The following KCNJ16 variants were observed in gnomAD, a reference collection of about 807,000 sequenced individuals.
The protein encoded by KCNJ16 is inward rectifier potassium channel 16.
In KCNJ16, 15 loss-of-function variants were observed where a neutral mutation model predicts 18.5. The observed-to-expected ratio is 0.81, with a 90% confidence interval of 0.54 to 1.25. The LOEUF (loss-of-function observed/expected upper bound fraction) is 1.25. Ranked by LOEUF, KCNJ16 falls within the 50% of genes most tolerant of loss-of-function variation. The pLI is 0.00. For synonymous variants in KCNJ16, 174 were observed against 186.5 expected (o/e 0.93, Z 0.55); for missense variants, 523 against 525.7 (o/e 0.99, Z 0.05).
rs778173694 is a variant in KCNJ16, at chr17:70,131,974, T to TTTG, written c.-93-9_-93-7dup. 3.3e-6 allele frequency: 5 copies of TTTG among 1,536,908 alleles called. No homozygotes were observed. The South Asian group carries it at 6.0e-5, about 18-fold the overall frequency. On this transcript the variant is annotated intron_variant, in intron 3 of 3. Transcript: ENST00000392671. ...GACATTGAAAGCTAAAAAGTGTGTT[T>TTTG]TTGTTGTTGTTGTTTTTTAGGTTCT...
chr17:70,083,946 C>T (rs767716738), intron 1 of KCNJ16, among the ~76,000 whole-genome samples: 5 of 152,034 alleles, frequency 3.3e-5, no homozygotes, highest in Admixed American at 1.3e-4. Context: ...TGTCCCATGG[C>T]TTTCGAGCCT....
chr17:70,129,441 C>T (rs1327176841), intron 2 of KCNJ16, among the ~76,000 whole-genome samples: 1 of 152,076 alleles, frequency 6.6e-6, no homozygotes, highest in African/African-American at 2.4e-5. Flanking sequence ...ACAAAAAGGC[C>T]TCCATAAACT....
intron 2 of KCNJ16, among the ~76,000 whole-genome samples, chr17:70,109,679 G>T (rs73382046): frequency 0.091 from 13,786 of 152,054 alleles, 719 homozygotes; most frequent in African/African-American, 0.14. Context: ...AGCTGGATGC[G>T]TCCCAAGAAC....
chr17:70,086,976 G>C (rs376291609), intron 1 of KCNJ16, among the ~76,000 whole-genome samples: 13 of 152,044 alleles, frequency 8.6e-5, no homozygotes, highest in African/African-American at 2.9e-4. Context: ...TCAGCTCACT[G>C]CAAGCTCCAC....
chr17:70,110,401 A>G (rs767886009), intron 2 of KCNJ16, among the ~76,000 whole-genome samples: 9 of 152,092 alleles, frequency 5.9e-5, no homozygotes, highest in Non-Finnish European at 1.2e-4. Flanking sequence ...TTCACAGACA[A>G]CCTAGAGCCT....
chr17:70,128,941 T>C (rs895021414), intron 2 of KCNJ16: 1 of 152,278 alleles, frequency 6.6e-6, no homozygotes, highest in Non-Finnish European at 1.5e-5. Context: ...CTCAGTCTGA[T>C]GTAACTGCTA....
chr17:70,122,854 C>T (rs2073700322), intron 2 of KCNJ16, among the ~76,000 whole-genome samples: 1 of 152,114 alleles, frequency 6.6e-6, no homozygotes, highest in African/African-American at 2.4e-5. Flanking sequence ...TCTGATTGGC[C>T]ACTCCTAGAT....
chr17:70,092,691 T>C (rs2072179890), intron 1 of KCNJ16, among the ~76,000 whole-genome samples: 1 of 152,112 alleles, frequency 6.6e-6, no homozygotes, highest in Admixed American at 6.6e-5. Context: ...GCTGGAGAAC[T>C]AGAAAAACTG....
chr17:70,086,064 A>C (rs912364440), intron 1 of KCNJ16, among the ~76,000 whole-genome samples: 1 of 152,224 alleles, frequency 6.6e-6, no homozygotes, highest in African/African-American at 2.4e-5. Flanking sequence ...CAATAAAATT[A>C]GAGCCCAATA....
At chr17:70,112,464 A>T (rs947010723) in intron 2 of KCNJ16, among the ~76,000 whole-genome samples, 4 of 151,922 alleles carry the variant, frequency 2.6e-5, no homozygotes, top group Non-Finnish European at 2.9e-5. Context: ...TCTCAGCTAA[A>T]ATGCCAGTAT....
chr17:70,106,813 G>A (rs1451608674), intron 2 of KCNJ16, among the ~76,000 whole-genome samples: 2 of 152,164 alleles, frequency 1.3e-5, no homozygotes, highest in Middle Eastern at 3.2e-3. Flanking sequence ...GCTGGCATGA[G>A]GAGTCATGGG....
chr17:70,088,772 T>C (rs1391156049), intron 1 of KCNJ16, among the ~76,000 whole-genome samples: 3 of 151,390 alleles, frequency 2.0e-5, no homozygotes, highest in Admixed American at 2.0e-4. Flanking sequence ...AGGAAAAAAA[T>C]TAAGGAGGTG....
At position 70,132,289 on chromosome 17, in the gene KCNJ16, A is replaced by G; in HGVS notation, c.202A>G (p.Thr68Ala). ...VVDIFTTLVD[T>A]KWRHMFVIFS... ...TGACATCTTCACCACTCTTGTGGAC[A>G]CCAAGTGGCGCCATATGTTTGTGAT... Residue 68 changes from threonine to alanine, a missense_variant, in exon 4 of 4, where the codon ACC becomes GCC. Coordinates refer to ENST00000392671, the MANE Select transcript of KCNJ16 (RefSeq NM_170741.4). 2 of 1,614,186 alleles carry G rather than the reference A, an allele frequency of 1.2e-6. No individual in the cohort carries two copies. Among genetic ancestry groups the G allele is most frequent in the Non-Finnish European group, 8.5e-7 (1 of 1,180,016 alleles).
intron 1 of KCNJ16, among the ~76,000 whole-genome samples, chr17:70,097,250 G>T (rs1331125217): frequency 6.6e-6 from 1 of 152,070 alleles, no homozygotes; most frequent in East Asian, 1.9e-4. Flanking sequence ...ATGCGCCCCC[G>T]TCTCCCCACT....
intron 2 of KCNJ16, among the ~76,000 whole-genome samples, chr17:70,103,883 C>T (rs2072786786): frequency 6.6e-6 from 1 of 151,928 alleles, no homozygotes. Context: ...GAGTAAACAG[C>T]ACAAGTATTT....
chr17:70,087,726 A>ATAAG (rs1396473456), intron 1 of KCNJ16, among the ~76,000 whole-genome samples: 1 of 152,070 alleles, frequency 6.6e-6, no homozygotes, highest in African/African-American at 2.4e-5. Flanking sequence ...AAATAAATAA[A>ATAAG]TAATAAAATG....
chr17:70,109,843 C>T (rs1463677694), intron 2 of KCNJ16, among the ~76,000 whole-genome samples: 1 of 152,198 alleles, frequency 6.6e-6, no homozygotes, highest in Non-Finnish European at 1.5e-5. Context: ...CTCCCTGCCA[C>T]TGGGATGATC....
At chr17:70,122,733 C>T (rs746087052) in intron 2 of KCNJ16, among the ~76,000 whole-genome samples, 2 of 152,304 alleles carry the variant, frequency 1.3e-5, no homozygotes, top group South Asian at 4.1e-4. Context: ...CTTTCAACAC[C>T]TAGATGTACA....
intron 2 of KCNJ16, among the ~76,000 whole-genome samples, chr17:70,121,963 GA>G (rs2073657944): frequency 6.6e-6 from 1 of 151,958 alleles, no homozygotes; most frequent in African/African-American, 2.4e-5. Context: ...TGTCTCAAAA[GA>G]AAAGAATAGA....
Sources: gnomAD v4.1 joint callset for allele counts (sites outside exome capture counted in the v4.1 genomes callset) on GRCh38, gnomAD v4.1.1 for gene constraint, MANE v1.5 for transcripts, NCBI Gene and HGNC (gene_info 2026-07-23, HGNC 2026-07-21) for gene names.